NAALADL2: variants seen among roughly 807,000 people sequenced by gnomAD.
The protein encoded by NAALADL2 is inactive N-acetylated-alpha-linked acidic dipeptidase-like protein 2.
Under a neutral mutation model 87.2 loss-of-function variants are expected in NAALADL2, and 76 were observed. The observed-to-expected ratio is 0.87, with a 90% CI of 0.72 to 1.05. The LOEUF is 1.05. NAALADL2 is among the 50% of genes least tolerant of loss of function. The pLI is 0.00. For synonymous variants in NAALADL2, 354 were observed against 331.0 expected, an observed-to-expected ratio of 1.07 and a Z score of -0.75; for missense variants, 1,089 against 945.8, an observed-to-expected ratio of 1.15 and a Z score of -1.99.
intron 3 of NAALADL2, among the ~76,000 whole-genome samples, chr3:174,791,734 AT>A (rs1717473831): frequency 6.6e-6 from 1 of 152,166 alleles, no homozygotes; most frequent in Non-Finnish European, 1.5e-5. Context: ...AATTGTGAAT[AT>A]TTTATATCCT....
At chr3:175,728,783 C>T (rs1346601152) in intron 11 of NAALADL2, among the ~76,000 whole-genome samples, 1 of 152,134 alleles carries the variant, frequency 6.6e-6, no homozygotes, top group African/African-American at 2.4e-5. Flanking sequence ...ATCACTGAAT[C>T]ATGGCCATAT....
At chr3:174,954,032 A>C (rs1011871495) in intron 1 of NAALADL2, among the ~76,000 whole-genome samples, 1 of 152,116 alleles carries the variant, frequency 6.6e-6, no homozygotes, top group Admixed American at 6.6e-5. Context: ...CGTTCCTTGG[A>C]GTCTATTTAG....
chr3:175,504,217 A>G (rs944708524), intron 9 of NAALADL2, among the ~76,000 whole-genome samples: 4 of 152,212 alleles, frequency 2.6e-5, no homozygotes, highest in Non-Finnish European at 5.9e-5. Flanking sequence ...TTTGTCAAAG[A>G]GGACATTTTA....
At chr3:175,282,650 T>C (rs1040899933) in intron 4 of NAALADL2, among the ~76,000 whole-genome samples, 3 of 152,060 alleles carry the variant, frequency 2.0e-5, no homozygotes, top group East Asian at 1.9e-4. Flanking sequence ...ACCAGATGCA[T>C]GAAAAGTTTT....
chr3:175,029,744 C>T (rs1752611489), intron 1 of NAALADL2, among the ~76,000 whole-genome samples: 1 of 151,982 alleles, frequency 6.6e-6, no homozygotes, highest in African/African-American at 2.4e-5. Context: ...CACTAAACCC[C>T]TCTGAGGTTT....
chr3:174,698,741 T>G lies in NAALADL2; in HGVS notation c.-114-38900T>G, dbSNP rs867000920. On this transcript the variant is annotated intron_variant, in intron 2 of 3. Transcript: ENST00000434257. ...TAGCCGGGCGTAGTGGCGGGCGCCTTTAGTCCCAGCTACTTGGGAGGCTGA... is the reference window on the plus strand; with the variant it reads ...TAGCCGGGCGTAGTGGCGGGCGCCTGTAGTCCCAGCTACTTGGGAGGCTGA... Among the ~76,000 whole-genome samples, 74 of 133,202 alleles carry G rather than the reference T, an allele frequency of 5.6e-4. 6 individuals carry two copies. The highest frequency in any genetic ancestry group is 1.0e-3 in the South Asian group (4 of 3,866). The allele number at this position is 133,202 out of a possible 152,430, so 87.4% of individuals were successfully genotyped here. A position where few individuals can be genotyped will look rare whatever the true frequency, so the allele number is the denominator to read the frequency against.
At chr3:175,691,251 CAGAT>C (rs1737000528) in intron 11 of NAALADL2, among the ~76,000 whole-genome samples, 1 of 150,266 alleles carries the variant, frequency 6.7e-6, no homozygotes, top group Non-Finnish European at 1.5e-5. Context: ...TATATACACA[CAGAT>C]AATATATATA....
chr3:175,373,657 T>G (rs1357883676), intron 5 of NAALADL2, among the ~76,000 whole-genome samples: 1 of 152,226 alleles, frequency 6.6e-6, no homozygotes, highest in African/African-American at 2.4e-5. Context: ...AACATAGATT[T>G]TCTTTTCTGT....
At chr3:175,786,035 C>G (rs925621234) in intron 13 of NAALADL2, among the ~76,000 whole-genome samples, 34 of 152,166 alleles carry the variant, frequency 2.2e-4, no homozygotes, top group African/African-American at 8.0e-4. Flanking sequence ...AGCCCCCACT[C>G]TCTTCTGGCT....
chr3:175,347,624 T>C lies in NAALADL2; in HGVS notation c.1090+23299T>C, dbSNP rs1763290625. On this transcript the variant is annotated intron_variant, in intron 5 of 13. Transcript: ENST00000454872. ...GACAGTGATGATGATATGATCCATGTGATTTCTTGGTCATGGCTTTATGTC... is the reference window on the plus strand; with the variant it reads ...GACAGTGATGATGATATGATCCATGCGATTTCTTGGTCATGGCTTTATGTC... 3.9e-5 allele frequency among the ~76,000 whole-genome samples: 6 copies of C among 152,216 alleles called. No individual in the cohort carries two copies. In the South Asian group the frequency reaches 1.2e-3, roughly 31 times the overall value.
chr3:175,263,008 A>C (rs975029608), intron 4 of NAALADL2, among the ~76,000 whole-genome samples: 1 of 151,432 alleles, frequency 6.6e-6, no homozygotes, highest in East Asian at 1.9e-4. Context: ...GCAAAAAAAA[A>C]AAAAACAAAA....
intron 9 of NAALADL2, among the ~76,000 whole-genome samples, chr3:175,485,095 C>G (rs1727058313): frequency 6.6e-6 from 1 of 152,156 alleles, no homozygotes; most frequent in South Asian, 2.1e-4. Flanking sequence ...AATACCTTGA[C>G]TATTGCTTAA....
chr3:175,068,481 C>T (rs1714963361), intron 1 of NAALADL2, among the ~76,000 whole-genome samples: 1 of 152,042 alleles, frequency 6.6e-6, no homozygotes, highest in African/African-American at 2.4e-5. Context: ...TGATAGACCA[C>T]CTCAAAAGAA....
At chr3:174,511,125 T>C (rs1443376912) in intron 1 of NAALADL2, among the ~76,000 whole-genome samples, 1 of 152,058 alleles carries the variant, frequency 6.6e-6, no homozygotes, top group Non-Finnish European at 1.5e-5. Flanking sequence ...TCCATCTTGG[T>C]GATTGTTCCA....
chr3:175,788,365 A>C (rs1263654507), intron 13 of NAALADL2, among the ~76,000 whole-genome samples: 5 of 152,098 alleles, frequency 3.3e-5, no homozygotes, highest in Non-Finnish European at 7.4e-5. Context: ...TCCTAGGATT[A>C]TAGGGGTGAG....
intron 5 of NAALADL2, among the ~76,000 whole-genome samples, chr3:175,346,613 G>A (rs114945805): frequency 0.014 from 2,146 of 152,086 alleles, 45 homozygotes; most frequent in African/African-American, 0.05. Flanking sequence ...TAAAAAAATG[G>A]TCAAATTGGT....
chr3:175,691,478 G>T (rs1269024807), intron 11 of NAALADL2, among the ~76,000 whole-genome samples: 1 of 151,690 alleles, frequency 6.6e-6, no homozygotes, highest in African/African-American at 2.4e-5. Flanking sequence ...GGTACCTAAA[G>T]ATATTACTGA....
intron 11 of NAALADL2, among the ~76,000 whole-genome samples, chr3:175,679,948 GA>G (rs58297847): frequency 6.6e-6 from 1 of 151,628 alleles, no homozygotes; most frequent in Non-Finnish European, 1.5e-5. Flanking sequence ...AAGAAGGTGA[GA>G]AAAAAAGGAT....
At chr3:175,286,414 C>T (rs2110111690) in intron 4 of NAALADL2, among the ~76,000 whole-genome samples, 1 of 152,270 alleles carries the variant, frequency 6.6e-6, no homozygotes, top group East Asian at 1.9e-4. Context: ...TTAGCATAGG[C>T]ACCTGTTTAA....
Sources: gnomAD v4.1 joint callset for allele counts (sites outside exome capture counted in the v4.1 genomes callset) on GRCh38, gnomAD v4.1.1 for gene constraint, MANE v1.5 for transcripts, NCBI Gene and HGNC (gene_info 2026-07-23, HGNC 2026-07-21) for gene names.